ARHGAP6: variants seen among roughly 807,000 people sequenced by gnomAD.
The protein encoded by ARHGAP6 is Rho GTPase activating protein 6.
A neutral mutation model predicts 55.7 loss-of-function variants in ARHGAP6; 16 were observed. The ratio of observed to expected loss-of-function variants is 0.29; its 90% confidence interval spans 0.19 to 0.44. ARHGAP6 has a LOEUF of 0.44. Among genes scored for constraint, ARHGAP6 ranks in the 20% least tolerant of loss-of-function variants. The pLI, the probability that ARHGAP6 is intolerant of heterozygous loss-of-function variation, is 1.00. For missense variants in ARHGAP6, 698 were observed against 808.9 expected, an observed-to-expected ratio of 0.86 and a Z score of 1.66; for synonymous variants, 382 against 360.9, an observed-to-expected ratio of 1.06 and a Z score of -0.66.
intron 1 of ARHGAP6, among the ~76,000 whole-genome samples, chrX:11,565,567 G>A (rs1389634814): frequency 4.4e-5 from 5 of 112,409 alleles, no homozygotes; most frequent in African/African-American, 1.6e-4. Context: ...ACAGCCTTGG[G>A]CCAGTGGCCC....
rs193038763 is a variant in ARHGAP6, at chrX:11,242,838, A to G, written c.748+11710T>C. On this transcript the variant is annotated intron_variant, in intron 2 of 12. Coordinates refer to ENST00000337414, the MANE Select transcript of ARHGAP6 (RefSeq NM_013427.3). ...TTATCATTACTTGTTAAAGTCTTGG[A>G]AATGCCTAGAATTTCCTGCCAGTTG... Among the ~76,000 whole-genome samples the G allele has an allele frequency of 6.3e-5, 7 of 111,889 alleles. No individual in the cohort carries two copies. In the East Asian group the frequency reaches 2.0e-3, roughly 31 times the overall value.
chrX:11,185,822 A>AT (rs1002350846), intron 5 of ARHGAP6, among the ~76,000 whole-genome samples: 15 of 108,835 alleles, frequency 1.4e-4, no homozygotes, highest in African/African-American at 3.0e-4. Flanking sequence ...TGATTCCCCA[A>AT]TTTTTTTTTT....
intron 1 of ARHGAP6, among the ~76,000 whole-genome samples, chrX:11,271,462 C>T (rs1214884350): frequency 9.0e-6 from 1 of 111,719 alleles, no homozygotes; most frequent in Non-Finnish European, 1.9e-5. Flanking sequence ...TGCACTTTGG[C>T]ACTTTGCAAA....
intron 1 of ARHGAP6, among the ~76,000 whole-genome samples, chrX:11,640,907 G>A (rs958996405): frequency 2.7e-5 from 3 of 111,591 alleles, no homozygotes; most frequent in African/African-American, 9.8e-5. Flanking sequence ...ATATTGATGT[G>A]TTATTCTGTA....
At chrX:11,329,721 C>G (rs1427267013) in intron 1 of ARHGAP6, among the ~76,000 whole-genome samples, 1 of 111,952 alleles carries the variant, frequency 8.9e-6, no homozygotes, top group Non-Finnish European at 1.9e-5. Context: ...GAAAGGCTTA[C>G]TAGTGACCTA....
At chrX:11,461,691 TG>T (rs1379341503) in intron 1 of ARHGAP6, among the ~76,000 whole-genome samples, 1 of 112,365 alleles carries the variant, frequency 8.9e-6, no homozygotes, top group Admixed American at 9.4e-5. Flanking sequence ...TCAGGGATGA[TG>T]AAGCAAACAT....
At position 11,511,951 on chromosome X, in the gene ARHGAP6, T is replaced by C. The variant is rs1286780931; in HGVS notation, c.588+152290A>G. Among the ~76,000 whole-genome samples the C allele has an allele frequency of 7.2e-5, 8 of 111,133 alleles. No individual in the cohort carries two copies. In the South Asian group the frequency reaches 1.2e-3, roughly 16 times the overall value. ...ACACCATTCTCCTGCCTCAGCCTCC[T>C]GAGTAGCTGGGACTACAGGTGCCTG... On this transcript the variant is annotated intron_variant, in intron 1 of 12. Transcript: ENST00000337414.
intron 2 of ARHGAP6, among the ~76,000 whole-genome samples, chrX:11,207,663 TG>T (rs2046726261): frequency 8.9e-6 from 1 of 112,177 alleles, no homozygotes; most frequent in Non-Finnish European, 1.9e-5. Context: ...GGGCTGTTTT[TG>T]TTTTGCTTTT....
chrX:11,475,306 T>C (rs1367969649), intron 1 of ARHGAP6, among the ~76,000 whole-genome samples: 4 of 110,865 alleles, frequency 3.6e-5, no homozygotes, highest in African/African-American at 6.6e-5. Flanking sequence ...ACAGGATAAA[T>C]GTCTTGATAT....
intron 1 of ARHGAP6, among the ~76,000 whole-genome samples, chrX:11,414,034 C>T (rs776869130): frequency 9.0e-6 from 1 of 111,647 alleles, no homozygotes; most frequent in Admixed American, 9.5e-5. Flanking sequence ...TGAAATATAC[C>T]CACCACTCCC....
intron 1 of ARHGAP6, among the ~76,000 whole-genome samples, chrX:11,555,766 A>T (rs2051314567): frequency 9.0e-6 from 1 of 110,815 alleles, no homozygotes; most frequent in Non-Finnish European, 1.9e-5. Context: ...AACAACAAAA[A>T]TGAGCCACAG....
chrX:11,546,922 G>T (rs900909476), intron 1 of ARHGAP6, among the ~76,000 whole-genome samples: 2 of 111,743 alleles, frequency 1.8e-5, no homozygotes, highest in East Asian at 2.8e-4. Context: ...AAATACAAAG[G>T]CTTCGCTTGT....
chrX:11,417,059 CATATAT>C (rs768174897), intron 1 of ARHGAP6, among the ~76,000 whole-genome samples: 1,197 of 33,273 alleles, frequency 0.036, 35 homozygotes, highest in Non-Finnish European at 0.041. Flanking sequence ...TGGGTGTGTA[CATATAT>C]ATATATATAT....
At position 11,664,619 on chromosome X, in the gene ARHGAP6, G is replaced by A; in HGVS notation, c.210C>T (p.Leu70=). The change falls in exon 1 of 13, where the codon CTC becomes CTT. Residue 70 remains leucine (L), a synonymous_variant. Coordinates refer to ENST00000337414, the MANE Select transcript of ARHGAP6 (RefSeq NM_013427.3). ...AGCGAGGGCCGAGACTCTCGGCTGG[G>A]AGTGATGGGGAGTAGAGGCGGCCCG... ...ATAGRLYSPS[L]PAESLGPRLA... 3.4e-6 allele frequency: 4 copies of A among 1,168,790 alleles called. No individual in the cohort carries two copies. The highest frequency in any genetic ancestry group is 4.6e-6 in the Non-Finnish European group (4 of 873,907).
rs1315400944 is a variant in ARHGAP6 at position 11,338,514 on chromosome X, A to G, written c.589-83807T>C. On this transcript the variant is annotated intron_variant, in intron 1 of 12. Coordinates refer to ENST00000337414, the MANE Select transcript of ARHGAP6 (RefSeq NM_013427.3). ...TTACTACTTTCTTCCTTTTAGATAG[A>G]CAAGTTGGGCAAAAATAAGTTAATT... 2.7e-5 allele frequency among the ~76,000 whole-genome samples: 3 copies of G among 111,785 alleles called. No homozygotes were observed. The Admixed American group carries it at 2.8e-4, about 11-fold the overall frequency.
intron 1 of ARHGAP6, among the ~76,000 whole-genome samples, chrX:11,647,425 C>A (rs1186513753): frequency 8.9e-6 from 1 of 112,254 alleles, no homozygotes; most frequent in African/African-American, 3.2e-5. Context: ...CACCCAAAGA[C>A]ATGCTGTTGA....
intron 1 of ARHGAP6, among the ~76,000 whole-genome samples, chrX:11,356,985 C>A (rs1394213353): frequency 9.0e-6 from 1 of 111,485 alleles, no homozygotes; most frequent in Admixed American, 9.5e-5. Context: ...GGAGGGAGTG[C>A]ATTTTCAAAT....
intron 1 of ARHGAP6, among the ~76,000 whole-genome samples, chrX:11,466,432 A>C (rs2050294079): frequency 9.0e-6 from 1 of 111,264 alleles, no homozygotes; most frequent in African/African-American, 3.3e-5. Context: ...TATGAAAAAA[A>C]AAAAAACTAT....
chrX:11,539,832 C>T (rs1340613769), intron 1 of ARHGAP6, among the ~76,000 whole-genome samples: 2 of 111,999 alleles, frequency 1.8e-5, no homozygotes. Flanking sequence ...AGTCTATAAA[C>T]AGCTCTTTTG....
Sources: allele counts gnomAD v4.1 joint callset (sites outside exome capture counted in the v4.1 genomes callset), GRCh38; gene constraint gnomAD v4.1.1; transcripts MANE v1.5; gene names NCBI Gene and HGNC (gene_info 2026-07-23, HGNC 2026-07-21).